The following COX7B2 variants were observed in gnomAD, a reference collection of about 807,000 sequenced individuals.
COX7B2 encodes the protein cytochrome c oxidase subunit 7B2, mitochondrial.
For missense variants in COX7B2, 109 were observed against 95.9 expected (o/e 1.14, Z -0.57); for synonymous variants, 37 against 32.1 (o/e 1.15, Z -0.51).
intron 1 of COX7B2, among the ~76,000 whole-genome samples, chr4:46,850,011 T>TA (rs1716561405): frequency 6.6e-6 from 1 of 152,064 alleles, no homozygotes. Context: ...ATGTTTTTTT[T>TA]ATCAACAACA....
chr4:46,752,212 CTTTG>C (rs766005839), intron 2 of COX7B2, among the ~76,000 whole-genome samples: 94 of 152,178 alleles, frequency 6.2e-4, no homozygotes, highest in East Asian at 3.9e-3. Flanking sequence ...TGATTTCACA[CTTTG>C]TTTGTCTGTT....
intron 2 of COX7B2, among the ~76,000 whole-genome samples, chr4:46,810,674 T>TAC: frequency 6.6e-6 from 1 of 152,122 alleles, no homozygotes; most frequent in Non-Finnish European, 1.5e-5. Flanking sequence ...ATGTATGACT[T>TAC]ACACAACACC....
chr4:46,907,181 A>C (rs1720442411), intron 1 of COX7B2, among the ~76,000 whole-genome samples: 1 of 152,118 alleles, frequency 6.6e-6, no homozygotes, highest in Non-Finnish European at 1.5e-5. Flanking sequence ...CTCTTCTTTT[A>C]CCAATCCTAT....
At chr4:46,746,421 C>G (rs1433981236) in intron 2 of COX7B2, among the ~76,000 whole-genome samples, 1 of 151,994 alleles carries the variant, frequency 6.6e-6, no homozygotes, top group Non-Finnish European at 1.5e-5. Context: ...AAATCTTTTG[C>G]CCTCCTCTAG....
At chr4:46,879,301 C>A (rs1718554892) in intron 1 of COX7B2, among the ~76,000 whole-genome samples, 1 of 152,078 alleles carries the variant, frequency 6.6e-6, no homozygotes, top group Non-Finnish European at 1.5e-5. Context: ...CTACTTATAG[C>A]CATGTACCAC....
At chr4:46,759,785 T>C (rs72493575) in intron 2 of COX7B2, among the ~76,000 whole-genome samples, 1 of 138,708 alleles carries the variant, frequency 7.2e-6, no homozygotes, top group Non-Finnish European at 1.6e-5. Context: ...TCTTATCTTA[T>C]ATAAGTTATA....
intron 2 of COX7B2, 150 bp from the exon 3 acceptor site, chr4:46,735,391 C>A: frequency 1.7e-6 from 1 of 600,148 alleles, no homozygotes; most frequent in South Asian, 2.3e-5. Flanking sequence ...GCTTTGCCAC[C>A]GATTAGCTAT....
intron 2 of COX7B2, among the ~76,000 whole-genome samples, chr4:46,778,021 T>G (rs1005991504): frequency 1.3e-5 from 2 of 152,142 alleles, no homozygotes; most frequent in Non-Finnish European, 2.9e-5. Flanking sequence ...TTAATAAATG[T>G]GATCTATTAT....
At chr4:46,738,716 T>A (rs1013612324) in intron 2 of COX7B2, among the ~76,000 whole-genome samples, 1 of 151,984 alleles carries the variant, frequency 6.6e-6, no homozygotes, top group African/African-American at 2.4e-5. Context: ...AAAAAAGAAA[T>A]TCAATAATAT....
intron 1 of COX7B2, among the ~76,000 whole-genome samples, chr4:46,871,739 T>C (rs1718005042): frequency 6.6e-6 from 1 of 151,314 alleles, no homozygotes; most frequent in South Asian, 2.1e-4. Context: ...AAAAGCTCCA[T>C]GTAACTTATC....
chr4:46,868,638 C>T (rs1717812431), intron 1 of COX7B2, among the ~76,000 whole-genome samples: 1 of 152,134 alleles, frequency 6.6e-6, no homozygotes, highest in Non-Finnish European at 1.5e-5. Context: ...CTAAAAATCA[C>T]TCAGGGGCAT....
At chr4:46,873,756 G>C (rs1577682715) in intron 1 of COX7B2, among the ~76,000 whole-genome samples, 1 of 151,890 alleles carries the variant, frequency 6.6e-6, no homozygotes, top group South Asian at 2.1e-4. Context: ...GTGCCATGTT[G>C]GTGTGCTGCA....
At chr4:46,786,952 C>T (rs1306916672) in intron 2 of COX7B2, among the ~76,000 whole-genome samples, 1 of 152,130 alleles carries the variant, frequency 6.6e-6, no homozygotes, top group African/African-American at 2.4e-5. Context: ...TCCTGGACTT[C>T]CAGGGTCTGC....
intron 1 of COX7B2, among the ~76,000 whole-genome samples, chr4:46,866,444 G>A (rs1717676650): frequency 6.6e-6 from 1 of 152,136 alleles, no homozygotes; most frequent in East Asian, 1.9e-4. Context: ...TTTAGGAGTA[G>A]TTTTCTTTTG....
chr4:46,817,079 T>C (rs1233759580), intron 2 of COX7B2, among the ~76,000 whole-genome samples: 3 of 152,186 alleles, frequency 2.0e-5, no homozygotes, highest in Admixed American at 6.5e-5. Context: ...AAAAAGAGGA[T>C]AGAGTCATAA....
chr4:46,876,394 G>T (rs952344159), intron 1 of COX7B2, among the ~76,000 whole-genome samples: 2 of 149,304 alleles, frequency 1.3e-5, no homozygotes, highest in East Asian at 3.9e-4. Context: ...CACAGAGTCC[G>T]TCCTATTGTC....
chr4:46,812,214 G>A (rs536328272), intron 2 of COX7B2, among the ~76,000 whole-genome samples: 1 of 152,162 alleles, frequency 6.6e-6, no homozygotes, highest in African/African-American at 2.4e-5. Context: ...AGAACTTGAG[G>A]CCATAGGCTC....
chr4:46,908,688 T>C (rs1720552352), intron 1 of COX7B2, among the ~76,000 whole-genome samples: 2 of 142,696 alleles, frequency 1.4e-5, no homozygotes, highest in South Asian at 2.2e-4. Flanking sequence ...GTCCAAAATA[T>C]AACGTCTTTC....
chr4:46,784,217 G>A (rs1278410288), intron 2 of COX7B2, among the ~76,000 whole-genome samples: 1 of 152,044 alleles, frequency 6.6e-6, no homozygotes, highest in East Asian at 1.9e-4. Context: ...ACAATGAGTA[G>A]ACAAAATCAG....
Sources: gnomAD v4.1 joint callset for allele counts (sites outside exome capture counted in the v4.1 genomes callset) on GRCh38, gnomAD v4.1.1 for gene constraint, MANE v1.5 for transcripts, NCBI Gene and HGNC (gene_info 2026-07-23, HGNC 2026-07-21) for gene names.